RERE: variants seen among roughly 807,000 people sequenced by gnomAD.
The protein encoded by RERE is arginine-glutamic acid dipeptide repeats protein.
RERE carries 40 observed loss-of-function variants against 146.1 expected under a neutral mutation model. The observed-to-expected ratio is 0.27, with a 90% confidence interval of 0.21 to 0.36. The LOEUF (loss-of-function observed/expected upper bound fraction) is 0.36, where lower values mean the gene tolerates loss of function less well. Among genes scored for constraint, RERE ranks in the 10% least tolerant of loss-of-function variants. The pLI is 1.00. For synonymous variants in RERE, 1,003 were observed against 866.0 expected (o/e 1.16, Z -2.78); for missense variants, 1,933 against 2,138.7 (o/e 0.90, Z 1.90).
chr1:8,360,544 A>G lies in RERE; in HGVS notation c.2963T>C (p.Leu988Pro). ...TGGCTGGCTCTGAGGCATGAGTTGC[A>G]GGGGTGGGGGGTGAGCCGACGGGGG... Reference protein sequence around the residue: ...HHPPSAHPPPLQLMPQSQPLP... With the variant: ...HHPPSAHPPPPQLMPQSQPLP... The change falls in exon 18 of 23, where the codon CTG (leucine) becomes CCG (proline). Residue 988 changes from leucine (L) to proline (P), a missense_variant. Coordinates refer to ENST00000400908, the MANE Select transcript of RERE (RefSeq NM_001042681.2). 1 of 628,184 alleles carries G rather than the reference A, an allele frequency of 1.6e-6. No individual in the cohort carries two copies. The highest frequency in any genetic ancestry group is 2.4e-5 in the South Asian group (1 of 40,848). 38.9% of individuals were successfully genotyped at this position (628,184 alleles called of 1,614,324 possible).
intron 1 of RERE, among the ~76,000 whole-genome samples, chr1:8,772,592 T>C (rs2124547954): frequency 6.6e-6 from 1 of 152,094 alleles, no homozygotes; most frequent in African/African-American, 2.4e-5. Flanking sequence ...CTAGCCAACA[T>C]GGTGAAACCC....
Position 8,697,438 on chromosome 1 carries a change from G to A in RERE, c.-144-40997C>T, listed in dbSNP as rs1201321988. Among the ~76,000 whole-genome samples the A allele has an allele frequency of 2.3e-5, 3 of 130,548 alleles. No homozygotes were observed. The South Asian group carries it at 6.8e-4, about 29-fold the overall frequency. 85.6% of individuals were successfully genotyped at this position (130,548 alleles called of 152,430 possible). On this transcript the variant is annotated intron_variant, in intron 1 of 22. Transcript: ENST00000400908. Reference sequence around the variant, plus strand: ...GACGGAGTCTCACTCTGTCCCCCAGGCTGGAGTGCAGTGGCGTGATCTCAG... The same window carrying A: ...GACGGAGTCTCACTCTGTCCCCCAGACTGGAGTGCAGTGGCGTGATCTCAG...
chr1:8,756,555 A>T (rs951107802), intron 1 of RERE, among the ~76,000 whole-genome samples: 7 of 152,208 alleles, frequency 4.6e-5, no homozygotes, highest in Non-Finnish European at 1.0e-4. Flanking sequence ...TTGGCTCAAG[A>T]GCCATAAAAA....
intron 4 of RERE, among the ~76,000 whole-genome samples, chr1:8,579,119 A>G (rs1248741619): frequency 6.6e-6 from 1 of 152,212 alleles, no homozygotes; most frequent in Non-Finnish European, 1.5e-5. Flanking sequence ...GTCTGTGTCC[A>G]TGTCTGTTAC....
chr1:8,404,311 G>A (rs1003829396), intron 12 of RERE, among the ~76,000 whole-genome samples: 1 of 152,004 alleles, frequency 6.6e-6, no homozygotes, highest in Non-Finnish European at 1.5e-5. Context: ...CAGGTACTCG[G>A]AGAGGCTGAG....
rs1420066808 is a variant in RERE, at chr1:8,787,131, C to T, written c.-145+30029G>A. On this transcript the variant is annotated intron_variant, in intron 1 of 22. Transcript: ENST00000400908. ...GGCTCCTGCCCCTCTTTCCTGGTAT[C>T]ACCTCCTACTGTTCTCCCAGAGTTT... Among the ~76,000 whole-genome samples the T allele has an allele frequency of 3.9e-5, 6 of 152,330 alleles. No individual in the cohort carries two copies. In the East Asian group the frequency reaches 1.2e-3, roughly 29 times the overall value.
At chr1:8,722,976 TTCAATTAA>T (rs1215527560) in intron 1 of RERE, among the ~76,000 whole-genome samples, 1 of 152,162 alleles carries the variant, frequency 6.6e-6, no homozygotes, top group Non-Finnish European at 1.5e-5. Flanking sequence ...GACATGGAAA[TTCAATTAA>T]TCAACAGAGT....
At chr1:8,672,868 A>C (rs1638749020) in intron 1 of RERE, among the ~76,000 whole-genome samples, 4 of 152,234 alleles carry the variant, frequency 2.6e-5, no homozygotes, top group Admixed American at 2.6e-4. Flanking sequence ...CCAAACAAAC[A>C]AACAAAATCT....
chr1:8,784,271 G>A (rs897460303), intron 1 of RERE, among the ~76,000 whole-genome samples: 1 of 152,044 alleles, frequency 6.6e-6, no homozygotes, highest in Non-Finnish European at 1.5e-5. Flanking sequence ...TCTCCATGAG[G>A]CCTATCCTGA....
intron 12 of RERE, among the ~76,000 whole-genome samples, chr1:8,396,342 G>C (rs1643055009): frequency 6.6e-6 from 1 of 152,162 alleles, no homozygotes; most frequent in Non-Finnish European, 1.5e-5. Context: ...ATAATGTGAA[G>C]TACATGAAAA....
At chr1:8,433,000 T>C (rs1644116065) in intron 11 of RERE, among the ~76,000 whole-genome samples, 1 of 152,184 alleles carries the variant, frequency 6.6e-6, no homozygotes, top group Non-Finnish European at 1.5e-5. Context: ...TATACACATA[T>C]ACATATACAT....
At chr1:8,396,938 T>C (rs1314710069) in intron 12 of RERE, among the ~76,000 whole-genome samples, 3 of 152,242 alleles carry the variant, frequency 2.0e-5, no homozygotes, top group Non-Finnish European at 4.4e-5. Context: ...CAAAGGACCA[T>C]GAGAACTAAC....
At chr1:8,757,839 T>A (rs1036046201) in intron 1 of RERE, among the ~76,000 whole-genome samples, 1 of 151,842 alleles carries the variant, frequency 6.6e-6, no homozygotes, top group African/African-American at 2.4e-5. Flanking sequence ...ATACACAGAA[T>A]CAACCTAAGT....
At chr1:8,712,422 A>G (rs551232227) in intron 1 of RERE, among the ~76,000 whole-genome samples, 1 of 152,332 alleles carries the variant, frequency 6.6e-6, no homozygotes, top group Admixed American at 6.5e-5. Flanking sequence ...CATCCCCTCC[A>G]ATCTTCAGAG....
chr1:8,652,029 C>T (rs1465203965), intron 2 of RERE, among the ~76,000 whole-genome samples: 2 of 152,126 alleles, frequency 1.3e-5, no homozygotes, highest in Non-Finnish European at 2.9e-5. Flanking sequence ...AAAGAACAGA[C>T]AATATTTAAC....
At chr1:8,676,463 T>A (rs1308304105) in intron 1 of RERE, among the ~76,000 whole-genome samples, 1 of 151,950 alleles carries the variant, frequency 6.6e-6, no homozygotes, top group Non-Finnish European at 1.5e-5. Flanking sequence ...GTCACATATT[T>A]TTTTACACTA....
At chr1:8,655,724 C>A (rs1033618045) in intron 2 of RERE, among the ~76,000 whole-genome samples, 1 of 152,136 alleles carries the variant, frequency 6.6e-6, no homozygotes, top group Non-Finnish European at 1.5e-5. Flanking sequence ...GAACAAGCAG[C>A]ACAGGAAAAT....
At chr1:8,737,931 T>C (rs1640233128) in intron 1 of RERE, among the ~76,000 whole-genome samples, 1 of 152,204 alleles carries the variant, frequency 6.6e-6, no homozygotes, top group Non-Finnish European at 1.5e-5. Context: ...CCTGCAGAAA[T>C]TTTAAAACTC....
At chr1:8,633,264 A>C (rs535052136) in intron 2 of RERE, among the ~76,000 whole-genome samples, 9 of 152,070 alleles carry the variant, frequency 5.9e-5, no homozygotes, top group African/African-American at 2.2e-4. Flanking sequence ...TACAAAAAAA[A>C]TTTTTTTAAA....
Sources: gnomAD v4.1 joint callset for allele counts (sites outside exome capture counted in the v4.1 genomes callset) on GRCh38, gnomAD v4.1.1 for gene constraint, MANE v1.5 for transcripts, NCBI Gene and HGNC (gene_info 2026-07-23, HGNC 2026-07-21) for gene names.